The following SNX30 variants were observed in gnomAD, a reference collection of about 807,000 sequenced individuals.
SNX30 encodes sorting nexin family member 30, also known as sorting nexin-30.
In SNX30, 24 loss-of-function variants were observed where a neutral mutation model predicts 46.4. That is an observed-to-expected ratio of 0.52 (90% CI 0.37 to 0.73). SNX30 has a LOEUF of 0.73. Among genes scored for constraint, SNX30 ranks in the 30% least tolerant of loss-of-function variants. The pLI, the probability that SNX30 is intolerant of heterozygous loss-of-function variation, is 0.00. For missense variants in SNX30, 533 were observed against 555.7 expected, an observed-to-expected ratio of 0.96 and a Z score of 0.41; for synonymous variants, 189 against 211.5, an observed-to-expected ratio of 0.89 and a Z score of 0.92.
At chr9:112,754,906 C>T (rs186792244) in intron 1 of SNX30, among the ~76,000 whole-genome samples, 4 of 152,344 alleles carry the variant, frequency 2.6e-5, no homozygotes, top group Admixed American at 2.6e-4. Context: ...CTTCTCTGAA[C>T]TCTTCATCTA....
chr9:112,817,401 C>CCTTTTTTTTT (rs1840414195), intron 2 of SNX30, among the ~76,000 whole-genome samples: 1 of 46,832 alleles, frequency 2.1e-5, no homozygotes, highest in African/African-American at 9.7e-5. Flanking sequence ...AAAAAACTGG[C>CCTTTTTTTTT]TTTTTTTTTT....
chr9:112,762,587 T>C (rs920200615), intron 1 of SNX30, among the ~76,000 whole-genome samples: 6 of 151,946 alleles, frequency 3.9e-5, no homozygotes, highest in African/African-American at 1.5e-4. Flanking sequence ...CTATCTAAAA[T>C]TGGGATTATC....
intron 1 of SNX30, among the ~76,000 whole-genome samples, chr9:112,772,442 A>C (rs1467407094): frequency 1.3e-5 from 2 of 152,192 alleles, no homozygotes; most frequent in African/African-American, 4.8e-5. Flanking sequence ...AGTATCTCAT[A>C]TAGTATGATA....
At chr9:112,834,882 A>ACACAC (rs56385707) in intron 4 of SNX30, among the ~76,000 whole-genome samples, 1 of 105,252 alleles carries the variant, frequency 9.5e-6, no homozygotes, top group East Asian at 3.6e-4. Context: ...ACACACACAC[A>ACACAC]CCTACCTCAA....
chr9:112,749,976 A>C (rs551524984), upstream of SNX30, among the ~76,000 whole-genome samples: 2 of 152,348 alleles, frequency 1.3e-5, no homozygotes, highest in South Asian at 4.1e-4. Context: ...GGCTGGAAGT[A>C]ACACCTTGAC....
chr9:112,868,601 C>A (rs570622439), intron 8 of SNX30, among the ~76,000 whole-genome samples, 183 bp from the exon 9 acceptor site: 1 of 152,118 alleles, frequency 6.6e-6, no homozygotes, highest in South Asian at 2.1e-4. Context: ...GATGGGGTGA[C>A]GCATTCAAAA....
chr9:112,762,408 G>A (rs1839455327), intron 1 of SNX30, among the ~76,000 whole-genome samples: 2 of 152,118 alleles, frequency 1.3e-5, no homozygotes, highest in Non-Finnish European at 2.9e-5. Flanking sequence ...TACATGCTGG[G>A]GCTGTAGAGA....
At chr9:112,795,085 A>AT (rs1241155110) in intron 1 of SNX30, among the ~76,000 whole-genome samples, 2 of 152,138 alleles carry the variant, frequency 1.3e-5, no homozygotes, top group African/African-American at 2.4e-5. Flanking sequence ...TGCAATTTTT[A>AT]TTTTTTAGCA....
rs1034436748 is a variant in SNX30, at chr9:112,870,531, C to G, written c.*1688C>G. 6.6e-6 allele frequency: 1 copy of G among 152,214 alleles called. No homozygotes were observed. The allele number at this position is 152,214 out of a possible 1,614,324, so 9.4% of individuals were successfully genotyped here. A position where few individuals can be genotyped will look rare whatever the true frequency, so the allele number is the denominator to read the frequency against. On this transcript the variant is annotated 3_prime_UTR_variant, in exon 9 of 9. Coordinates refer to ENST00000374232, the MANE Select transcript of SNX30 (RefSeq NM_001012994.2). ...AATGTTTAAATCAATTGGTACTTGC[C>G]TGTAGTGTTAAACCCTATTTGTGCC...
chr9:112,775,781 CTTT>C (rs35535657), intron 1 of SNX30, among the ~76,000 whole-genome samples: 3 of 122,332 alleles, frequency 2.5e-5, no homozygotes, highest in Non-Finnish European at 5.1e-5. Context: ...TATGTGTAGT[CTTT>C]TTTTTTTTTT....
At position 112,824,806 on chromosome 9, in the gene SNX30, A is replaced by C. The variant is rs187948266; in HGVS notation, c.460-5919A>C. 2.4e-3 allele frequency among the ~76,000 whole-genome samples: 363 copies of C among 152,338 alleles called. 3 individuals carry two copies. The highest frequency in any genetic ancestry group is 8.3e-3 in the African/African-American group (344 of 41,564). ...CACATCTCCTTTTCTTAAAAAAGGA[A>C]GTAAAATCCATATTACACATCACCA... On this transcript the variant is annotated intron_variant, in intron 3 of 8. Coordinates refer to ENST00000374232, the MANE Select transcript of SNX30 (RefSeq NM_001012994.2).
In SNX30 at chr9:112,793,797, G is replaced by GTTTTTTTTTTTTTTTT. The variant is rs200559435; in HGVS notation, c.157-10973_157-10972insTTTTTTTTTTTTTTTT. Among the ~76,000 whole-genome samples the GTTTTTTTTTTTTTTTT allele has an allele frequency of 2.9e-5, 4 of 137,112 alleles. 1 individual carries two copies. Among genetic ancestry groups the GTTTTTTTTTTTTTTTT allele is most frequent in the Non-Finnish European group, 3.1e-5 (2 of 64,078 alleles). 90.0% of individuals were successfully genotyped at this position (137,112 alleles called of 152,430 possible). On this transcript the variant is annotated intron_variant, in intron 1 of 8. Transcript: ENST00000374232. ...TTTTCTTGTTCTTTTTACCTCCACT[G>GTTTTTTTTTTTTTTTT]TTTTTTGTTTTTTTTTTTTTCTTTC... is the stretch of plus-strand genomic sequence containing the variant.
intron 6 of SNX30, among the ~76,000 whole-genome samples, chr9:112,842,266 C>CT: frequency 6.6e-6 from 1 of 152,188 alleles, no homozygotes; most frequent in South Asian, 2.1e-4. Context: ...TCATCAGCTG[C>CT]TGAATGGTCC....
chr9:112,885,409 A>G (rs1841629414), downstream of SNX30: 1 of 143,740 alleles, frequency 7.0e-6, no homozygotes. Context: ...CTGTGGATAC[A>G]TGTATTCTGT....
intron 2 of SNX30, among the ~76,000 whole-genome samples, chr9:112,817,108 T>A (rs1039432316): frequency 3.3e-5 from 5 of 152,176 alleles, no homozygotes; most frequent in African/African-American, 1.2e-4. Flanking sequence ...ATGTGGCAAA[T>A]TAAGCAAAAC....
intron 7 of SNX30, among the ~76,000 whole-genome samples, chr9:112,854,214 C>T (rs973449960): frequency 1.3e-5 from 2 of 152,250 alleles, no homozygotes; most frequent in African/African-American, 4.8e-5. Flanking sequence ...TGGAAGCACA[C>T]ACCAGGCTTG....
In SNX30 at chr9:112,870,929, T is replaced by C. The variant is rs1361974504; in HGVS notation, c.*2086T>C. 1 of 152,252 alleles carries C rather than the reference T, an allele frequency of 6.6e-6. No individual in the cohort carries two copies. Among genetic ancestry groups the C allele is most frequent in the African/African-American group, 2.4e-5 (1 of 41,468 alleles). The allele number at this position is 152,252 out of a possible 1,614,324, so 9.4% of individuals were successfully genotyped here. ...GTTACAGGAAAATGAAATCTGACTATCTGCTAGTTGCCAAAACCCAGAAAC... is the reference window on the plus strand; with the variant it reads ...GTTACAGGAAAATGAAATCTGACTACCTGCTAGTTGCCAAAACCCAGAAAC... On this transcript the variant is annotated 3_prime_UTR_variant, in exon 9 of 9. Transcript: ENST00000374232.
At chr9:112,848,875 C>T (rs930384348) in intron 6 of SNX30, among the ~76,000 whole-genome samples, 1 of 152,130 alleles carries the variant, frequency 6.6e-6, no homozygotes, top group African/African-American at 2.4e-5. Context: ...GCATCTCCTC[C>T]CCACCCCTCG....
chr9:112,862,738 T>C (rs1841257874), intron 7 of SNX30, among the ~76,000 whole-genome samples: 2 of 151,792 alleles, frequency 1.3e-5, no homozygotes, highest in South Asian at 4.2e-4. Flanking sequence ...CACATCCTAC[T>C]TATTGTAGAG....
Sources: allele counts gnomAD v4.1 joint callset (sites outside exome capture counted in the v4.1 genomes callset), GRCh38; gene constraint gnomAD v4.1.1; transcripts MANE v1.5; gene names NCBI Gene and HGNC (gene_info 2026-07-23, HGNC 2026-07-21).